Variants in ANO7 observed in about 807,000 individuals in gnomAD.
The protein encoded by ANO7 is anoctamin-7.
Under a neutral mutation model 115.8 loss-of-function variants are expected in ANO7, and 114 were observed. The observed-to-expected ratio is 0.98, with a 90% confidence interval of 0.85 to 1.15. The LOEUF (loss-of-function observed/expected upper bound fraction) is 1.15, where lower values mean the gene tolerates loss of function less well. Ranked by LOEUF, ANO7 falls within the 50% of genes most tolerant of loss-of-function variation. The probability of loss-of-function intolerance (pLI) is 0.00; values close to 1 mark genes in which losing one functional copy is unlikely to be tolerated. For synonymous variants in ANO7, 550 were observed against 498.2 expected, an observed-to-expected ratio of 1.10 and a Z score of -1.38; for missense variants, 1,302 against 1,201.2, an observed-to-expected ratio of 1.08 and a Z score of -1.24.
At chr2:241,230,613 G>T (rs1027488238), downstream of ANO7, 1 of 706,358 alleles carries the variant, frequency 1.4e-6, no homozygotes, top group African/African-American at 1.8e-5. The surrounding 1 kb of genome is among the most constrained non-coding windows in gnomAD (Gnocchi z 5.0). Context: ...CTGACCCGTG[G>T]TGTCCATGAG....
At chr2:241,220,610 G>A (rs187043669) in intron 21 of ANO7, among the ~76,000 whole-genome samples, 4 of 152,318 alleles carry the variant, frequency 2.6e-5, no homozygotes, top group African/African-American at 9.6e-5. Flanking sequence ...GACCATCCTG[G>A]TTAACACCGT....
chr2:241,216,011 G>A (rs2068820493), intron 18 of ANO7, 82 bp from the exon 19 acceptor site: 6 of 1,499,522 alleles, frequency 4.0e-6, no homozygotes, highest in Non-Finnish European at 3.6e-6. Context: ...GGCTTGTCCC[G>A]GCCACATCTC....
At chr2:241,208,716 T>C (rs1215248390) in intron 11 of ANO7, among the ~76,000 whole-genome samples, 2 of 152,152 alleles carry the variant, frequency 1.3e-5, no homozygotes, top group African/African-American at 4.8e-5. Flanking sequence ...CTTACAGCAT[T>C]AACTCTAGGT....
intron 3 of ANO7, among the ~76,000 whole-genome samples, chr2:241,194,825 T>G (rs1233989073): frequency 2.6e-5 from 4 of 152,216 alleles, no homozygotes; most frequent in Non-Finnish European, 4.4e-5. Flanking sequence ...TATATATAGG[T>G]TTGTTACTCT....
intron 19 of ANO7, 54 bp from the exon 20 acceptor site, chr2:241,217,632 G>T: frequency 2.6e-6 from 4 of 1,532,122 alleles, no homozygotes; most frequent in Non-Finnish European, 3.5e-6. Context: ...GGCGCGTTCC[G>T]AGGGCTGAGG....
chr2:241,236,516 C>T, the ANO7 span: 49 of 1,243,934 alleles, frequency 3.9e-5, no homozygotes, highest in Middle Eastern at 4.4e-4. Flanking sequence ...CTGCCACTGC[C>T]GCTTGGGCAA....
In ANO7 at chr2:241,199,375, T is replaced by C. The variant is rs1243281169; in HGVS notation, c.369T>C (p.Ala123=). The change falls in exon 5 of 25, where the codon GCT becomes GCC. Residue 123 remains alanine (A), a synonymous_variant. Coordinates refer to ENST00000674324, the MANE Select transcript of ANO7 (RefSeq NM_001370694.2). ...VHYALLSASW[A]VLCYYAEDLR... Reference sequence around the variant, plus strand: ...ACGCCCTCCTCAGCGCCTCCTGGGCTGTGCTCTGCTACTACGCCGAAGACC... The same window carrying C: ...ACGCCCTCCTCAGCGCCTCCTGGGCCGTGCTCTGCTACTACGCCGAAGACC... The C allele has an allele frequency of 1.9e-6, 3 of 1,613,722 alleles. No homozygotes were observed. The highest frequency in any genetic ancestry group is 2.7e-5 in the African/African-American group (2 of 74,948).
intron 3 of ANO7, among the ~76,000 whole-genome samples, chr2:241,192,491 C>T (rs546615134): frequency 3.0e-4 from 46 of 152,282 alleles, no homozygotes; most frequent in Middle Eastern, 3.4e-3. Flanking sequence ...CTCACACCCC[C>T]GGGGTCTCTT....
At chr2:241,211,641 G>A (rs1379789090) in intron 15 of ANO7, among the ~76,000 whole-genome samples, 16 of 152,172 alleles carry the variant, frequency 1.1e-4, no homozygotes, top group Non-Finnish European at 1.0e-4. Context: ...CCTGGTTCTG[G>A]ATGGCCAAGG....
At position 241,213,913 on chromosome 2, in the gene ANO7, C is replaced by T. The variant is rs1403962886; in HGVS notation, c.1729-892C>T. On this transcript the variant is annotated intron_variant, in intron 17 of 24. Transcript: ENST00000674324. ...GGGGATGGAGTGGGGAGTGTGGCTG[C>T]GGGTGCCACAACGGACCAGCCAGAG... is the stretch of plus-strand genomic sequence containing the variant. 5.3e-5 allele frequency among the ~76,000 whole-genome samples: 8 copies of T among 152,276 alleles called. 1 individual carries two copies. Among genetic ancestry groups the T allele is most frequent in the Middle Eastern group, 3.4e-3 (1 of 294 alleles).
chr2:241,224,558 C>G lies in ANO7; in HGVS notation c.*405C>G, dbSNP rs2069112518. 4.4e-6 allele frequency: 1 copy of G among 229,514 alleles called. No homozygotes were observed. The highest frequency in any genetic ancestry group is 5.1e-5 in the Admixed American group (1 of 19,502). 14.2% of individuals were successfully genotyped at this position (229,514 alleles called of 1,614,324 possible). A position where few individuals can be genotyped will look rare whatever the true frequency, so the allele number is the denominator to read the frequency against. ...TACACCTGGTGACCTTCGAATGTTT[C>G]AGAGCGCAGGGCCGTTCTCCCTCGT... On this transcript the variant is annotated 3_prime_UTR_variant, in exon 25 of 25. Coordinates refer to ENST00000674324, the MANE Select transcript of ANO7 (RefSeq NM_001370694.2).
At chr2:241,191,359 C>G in intron 3 of ANO7, 108 bp downstream of exon 3, 1 of 1,380,642 alleles carries the variant, frequency 7.2e-7, no homozygotes, top group Non-Finnish European at 1.0e-6. Context: ...TCAGTAGCCA[C>G]TCTGGGGCCA....
At position 241,193,067 on chromosome 2, in the gene ANO7, T is replaced by G. The variant is rs193179108; in HGVS notation, c.166+1816T>G. Among the ~76,000 whole-genome samples, 68 of 151,856 alleles carry G rather than the reference T, an allele frequency of 4.5e-4. No individual in the cohort carries two copies. In the Middle Eastern group the frequency reaches 0.01, roughly 23 times the overall value. On this transcript the variant is annotated intron_variant, in intron 3 of 24. Transcript: ENST00000674324. The stretch of plus-strand genomic sequence containing the variant: ...TTTTTTGTTTGGTTGGTTGGTTTTT[T>G]GTTTTTTGTTTTTTGTGTTTTTTTT...
chr2:241,224,184 G>A lies in ANO7; in HGVS notation c.*31G>A. ...GGAAGGACATCTGGTGGTCCTTAGGGGAGTGGCCCCTCCTGAGCCCTGCGA... is the reference window on the plus strand; with the variant it reads ...GGAAGGACATCTGGTGGTCCTTAGGAGAGTGGCCCCTCCTGAGCCCTGCGA... On this transcript the variant is annotated 3_prime_UTR_variant, in exon 25 of 25. Transcript: ENST00000674324. 1 of 1,613,140 alleles carries A rather than the reference G, an allele frequency of 6.2e-7. No individual in the cohort carries two copies. Among genetic ancestry groups the A allele is most frequent in the Non-Finnish European group, 8.5e-7 (1 of 1,179,418 alleles).
chr2:241,233,130 C>T, the ANO7 span, among the ~76,000 whole-genome samples: 1 of 152,178 alleles, frequency 6.6e-6, no homozygotes, highest in Non-Finnish European at 1.5e-5. This position sits in a 1 kb window ranked among gnomAD's most constrained non-coding sequence, Gnocchi z 4.3. Flanking sequence ...TGCTAGTCTC[C>T]CACTGTGGGC....
Position 241,216,170 on chromosome 2 carries a change from A to C in ANO7, c.1904A>C (p.Gln635Pro). ...GCGGGAGCTTCTGCAGGGGCTAGCC[A>C]GGGGCCCTGGGAGGACGACTATGAG... ...RKAGASAGAS[Q>P]GPWEDDYELV... The change falls in exon 19 of 25, where the codon CAG becomes CCG. Residue 635 changes from glutamine to proline, a missense_variant. By Grantham distance (76) the Gln-to-Pro change is moderately conservative. Coordinates refer to ENST00000674324, the MANE Select transcript of ANO7 (RefSeq NM_001370694.2). The C allele has an allele frequency of 1.2e-6, 2 of 1,613,228 alleles. No individual in the cohort carries two copies. The highest frequency in any genetic ancestry group is 2.2e-5 in the East Asian group (1 of 44,888).
At chr2:241,197,813 G>C (rs1436738570) in intron 4 of ANO7, among the ~76,000 whole-genome samples, 2 of 152,004 alleles carry the variant, frequency 1.3e-5, no homozygotes, top group Non-Finnish European at 2.9e-5. Flanking sequence ...ACCACACCCA[G>C]CTAATTTTTG....
chr2:241,231,386 AAAAAAAAAAAC>A, the ANO7 span: 6 of 152,234 alleles, frequency 3.9e-5, no homozygotes, highest in Non-Finnish European at 7.3e-5. Flanking sequence ...TCCATCTCAA[AAAAAAAAAAAC>A]AAAAAAAAAA....
Position 241,209,560 on chromosome 2 carries a change from T to C in ANO7, c.1284T>C (p.Gly428=). 6.2e-7 allele frequency: 1 copy of C among 1,600,412 alleles called. No homozygotes were observed. Among genetic ancestry groups the C allele is most frequent in the Non-Finnish European group, 8.5e-7 (1 of 1,174,468 alleles). Reference sequence around the variant, plus strand: ...TGACAGCCCCGAACCCCATCACGGGTGAGGACGAGCCCTACTTCCCTGAGA... The same window carrying C: ...TGACAGCCCCGAACCCCATCACGGGCGAGGACGAGCCCTACTTCCCTGAGA... ...APMTAPNPIT[G]EDEPYFPERS... The change falls in exon 13 of 25, where the codon GGT becomes GGC. Residue 428 remains glycine (G), a synonymous_variant. Transcript: ENST00000674324.
Sources: allele counts gnomAD v4.1 joint callset (sites outside exome capture counted in the v4.1 genomes callset), GRCh38; gene constraint gnomAD v4.1.1; non-coding constraint Gnocchi (gnomAD v3.1); transcripts MANE v1.5; gene names NCBI Gene and HGNC (gene_info 2026-07-23, HGNC 2026-07-21).